PLCG2: variants seen among roughly 807,000 people sequenced by gnomAD.
PLCG2 encodes the protein 1-phosphatidylinositol 4,5-bisphosphate phosphodiesterase gamma-2.
Under a neutral mutation model 175.6 loss-of-function variants are expected in PLCG2, and 69 were observed. The observed-to-expected ratio is 0.39, with a 90% CI of 0.32 to 0.48. PLCG2 has a LOEUF of 0.48. Among genes scored for constraint, PLCG2 ranks in the 20% least tolerant of loss-of-function variants. The probability of loss-of-function intolerance (pLI) is 0.91; values close to 1 mark genes in which losing one functional copy is unlikely to be tolerated. For synonymous variants in PLCG2, 827 were observed against 624.0 expected (o/e 1.33, Z -4.85); for missense variants, 1,798 against 1,650.9 (o/e 1.09, Z -1.54).
At chr16:81,853,330 CAA>C (rs10579049) in intron 2 of PLCG2, among the ~76,000 whole-genome samples, 50,642 of 143,984 alleles carry the variant, frequency 0.35, 9,091 homozygotes, top group East Asian at 0.57. Flanking sequence ...GATTCTGTCT[CAA>C]AAAAAAAAAA....
intron 21 of PLCG2, 108 bp from the exon 22 acceptor site, chr16:81,923,377 A>C (rs1910134338): frequency 4.6e-6 from 3 of 652,064 alleles, no homozygotes; most frequent in Non-Finnish European, 2.7e-6. Context: ...CCTTGGCCTG[A>C]AGCCTCCTGC....
intron 23 of PLCG2, 26 bp from the exon 24 acceptor site, chr16:81,928,532 G>GT: frequency 6.8e-7 from 1 of 1,471,616 alleles, no homozygotes. Flanking sequence ...TACAACTAAC[G>GT]TGAGTTATGT....
At chr16:81,934,604 A>G in intron 26 of PLCG2, 73 bp downstream of exon 26, 1 of 898,864 alleles carries the variant, frequency 1.1e-6, no homozygotes, top group South Asian at 1.4e-5. Flanking sequence ...TGATATTTTC[A>G]GAGGGGGCAG....
Position 81,957,983 on chromosome 16 carries a change from C to T in PLCG2, c.3783C>T (p.Ser1261=). 6.2e-7 allele frequency: 1 copy of T among 1,613,012 alleles called. No individual in the cohort carries two copies. Among genetic ancestry groups the T allele is most frequent in the South Asian group, 1.1e-5 (1 of 91,058 alleles). Residue 1261 remains serine (S), a synonymous_variant, in exon 33 of 33, where the codon AGC becomes AGT. Transcript: ENST00000564138. ...KRLREKRVSN[S]KFYS is the part of the protein sequence containing the mutation. ...TAAGAGAGAAGAGAGTCAGCAACAG[C>T]AAGTTTTACTCATAGAAGCTGGGGT...
intron 2 of PLCG2, among the ~76,000 whole-genome samples, chr16:81,815,799 G>T (rs150926283): frequency 0.011 from 1,714 of 152,278 alleles, 15 homozygotes; most frequent in Non-Finnish European, 0.016. Flanking sequence ...AGTGGCTCAC[G>T]CCTGTAATCC....
At position 81,795,887 on chromosome 16, in the gene PLCG2, G is replaced by T. The variant is rs140291541; in HGVS notation, c.193+9705G>T. Reference sequence around the variant, plus strand: ...GCCCCCTCCCACCTTCTATTGAACAGAATTTGGCATGTGACCAAGTGCAAG... The same window carrying T: ...GCCCCCTCCCACCTTCTATTGAACATAATTTGGCATGTGACCAAGTGCAAG... On this transcript the variant is annotated intron_variant, in intron 2 of 32. Transcript: ENST00000564138. 7.5e-3 allele frequency among the ~76,000 whole-genome samples: 1,147 copies of T among 152,346 alleles called. 4 individuals are homozygous for T. The highest frequency in any genetic ancestry group is 0.014 in the Middle Eastern group (4 of 294).
chr16:81,776,170 A>T (rs1162535735), upstream of PLCG2, among the ~76,000 whole-genome samples: 2 of 144,296 alleles, frequency 1.4e-5, no homozygotes, highest in Non-Finnish European at 3.0e-5. Flanking sequence ...GTGCAGTGGT[A>T]CAATCTCGGC....
intron 2 of PLCG2, among the ~76,000 whole-genome samples, chr16:81,851,235 G>C (rs1906392885): frequency 6.6e-6 from 1 of 152,204 alleles, no homozygotes; most frequent in South Asian, 2.1e-4. Flanking sequence ...CAGTTTCTGT[G>C]AACCATTCAT....
At position 81,938,204 on chromosome 16, in the gene PLCG2, AAGAAAACAT is replaced by A. The variant is rs777037222; in HGVS notation, c.3198+302_3198+310del. Among the ~76,000 whole-genome samples, 253 of 152,278 alleles carry A rather than the reference AAGAAAACAT, an allele frequency of 1.7e-3. 1 individual carries two copies. In the Middle Eastern group the frequency reaches 0.017, roughly 10 times the overall value. Reference sequence around the variant, plus strand: ...AGGTCAGCCTCTGGCCGGAAAGAGAAAGAAAACATGGGAAACAGCCATTTGGTCTTAATG... The same window carrying A: ...AGGTCAGCCTCTGGCCGGAAAGAGAAGGGAAACAGCCATTTGGTCTTAATG... On this transcript the variant is annotated intron_variant, in intron 28 of 32. Transcript: ENST00000564138.
At chr16:81,798,403 G>A (rs1469710087) in intron 2 of PLCG2, 1 of 152,294 alleles carries the variant, frequency 6.6e-6, no homozygotes, top group African/African-American at 2.4e-5. Flanking sequence ...GGTCCTCTGG[G>A]GTTAAGTGCT....
intron 18 of PLCG2, among the ~76,000 whole-genome samples, chr16:81,911,163 A>G (rs1485341866): frequency 6.6e-6 from 1 of 152,206 alleles, no homozygotes; most frequent in Non-Finnish European, 1.5e-5. Flanking sequence ...GGGAATAAAG[A>G]AAAAACAATT....
intron 2 of PLCG2, among the ~76,000 whole-genome samples, chr16:81,825,874 C>G (rs1250850047): frequency 2.0e-5 from 3 of 152,132 alleles, no homozygotes; most frequent in Non-Finnish European, 2.9e-5. Context: ...GACAAGATGA[C>G]AAGGCTAAGA....
rs150752562 is a variant in PLCG2, at chr16:81,781,877, C to G, written c.-48+2453C>G. ...ATTTCATGTCCTTTCCCCCCCCCCC[C>G]CCGCCCGCCCCCGAGACGGAGTCTT... On this transcript the variant is annotated intron_variant, in intron 1 of 32. Transcript: ENST00000564138. Among the ~76,000 whole-genome samples the G allele has an allele frequency of 2.9e-3, 14 of 4,902 alleles. 1 individual carries two copies. Among genetic ancestry groups the G allele is most frequent in the Non-Finnish European group, 4.9e-3 (12 of 2,454 alleles). 3.2% of individuals were successfully genotyped at this position (4,902 alleles called of 152,430 possible). A position where few individuals can be genotyped will look rare whatever the true frequency, so the allele number is the denominator to read the frequency against.
intron 2 of PLCG2, among the ~76,000 whole-genome samples, chr16:81,826,575 A>T (rs1905058237): frequency 6.6e-6 from 1 of 152,262 alleles, no homozygotes; most frequent in Non-Finnish European, 1.5e-5. Flanking sequence ...AGTCAGTGAT[A>T]GTGGTGGTTG....
In PLCG2 at chr16:81,909,098, C is replaced by A. The variant is rs11863115; in HGVS notation, c.1733+507C>A. Reference sequence around the variant, plus strand: ...CCATGTCTCAGTGCATTAAAAGATACTTCTTGAGGGCGTGCCCTGTGCTAG... The same window carrying A: ...CCATGTCTCAGTGCATTAAAAGATAATTCTTGAGGGCGTGCCCTGTGCTAG... On this transcript the variant is annotated intron_variant, in intron 17 of 32. Transcript: ENST00000564138. 5.4e-3 allele frequency among the ~76,000 whole-genome samples: 821 copies of A among 152,336 alleles called. 10 individuals are homozygous for A. Among genetic ancestry groups the A allele is most frequent in the African/African-American group, 0.018 (765 of 41,562 alleles).
At chr16:81,859,970 CTAT>C (rs1394106090) in intron 5 of PLCG2, among the ~76,000 whole-genome samples, 4 of 151,894 alleles carry the variant, frequency 2.6e-5, no homozygotes, top group East Asian at 1.9e-4. Context: ...CTATGACGGA[CTAT>C]TATTATTATT....
intron 13 of PLCG2, among the ~76,000 whole-genome samples, chr16:81,899,575 A>G (rs1338476022): frequency 1.3e-5 from 2 of 152,104 alleles, no homozygotes; most frequent in Non-Finnish European, 2.9e-5. Context: ...TTCCTGGTCT[A>G]CAGCGTGAAA....
intron 7 of PLCG2, among the ~76,000 whole-genome samples, chr16:81,872,292 C>T (rs1907553823): frequency 6.6e-6 from 1 of 152,204 alleles, no homozygotes; most frequent in Non-Finnish European, 1.5e-5. Flanking sequence ...TGCACTACTG[C>T]ACTCCAGCCT....
At chr16:81,902,660 C>T (rs182250799) in intron 14 of PLCG2, among the ~76,000 whole-genome samples, 55 of 152,056 alleles carry the variant, frequency 3.6e-4, no homozygotes, top group Non-Finnish European at 6.8e-4. Context: ...AAAGCTCTAC[C>T]CTCATTCCCG....
Sources: allele counts gnomAD v4.1 joint callset (sites outside exome capture counted in the v4.1 genomes callset), GRCh38; gene constraint gnomAD v4.1.1; transcripts MANE v1.5; gene names NCBI Gene and HGNC (gene_info 2026-07-23, HGNC 2026-07-21).